Variants in BBS9 observed in about 807,000 individuals in gnomAD.
BBS9 encodes protein PTHB1.
A neutral mutation model predicts 117.7 loss-of-function variants in BBS9; 89 were observed. The observed-to-expected ratio is 0.76, with a 90% CI of 0.64 to 0.90. The LOEUF (loss-of-function observed/expected upper bound fraction) is 0.90. Among genes scored for constraint, BBS9 ranks in the 40% least tolerant of loss-of-function variants. BBS9 has a pLI of 0.00. For missense variants in BBS9, 982 were observed against 1,042.2 expected, an observed-to-expected ratio of 0.94 and a Z score of 0.80; for synonymous variants, 379 against 370.9, an observed-to-expected ratio of 1.02 and a Z score of -0.25.
chr7:33,179,190 T>C (rs1644340020), intron 5 of BBS9, among the ~76,000 whole-genome samples: 1 of 152,142 alleles, frequency 6.6e-6, no homozygotes, highest in South Asian at 2.1e-4. Flanking sequence ...CCATACATCA[T>C]AAAAAAATTA....
chr7:33,305,871 T>A (rs1807819053), intron 9 of BBS9, among the ~76,000 whole-genome samples: 1 of 152,108 alleles, frequency 6.6e-6, no homozygotes, highest in Non-Finnish European at 1.5e-5. Flanking sequence ...TTGGCTAATC[T>A]TTTGTATTGT....
intron 6 of BBS9, among the ~76,000 whole-genome samples, chr7:33,261,319 A>G (rs1797949955): frequency 6.6e-6 from 1 of 152,214 alleles, no homozygotes; most frequent in African/African-American, 2.4e-5. Flanking sequence ...CCTCGATGGC[A>G]GGAATTCTGT....
chr7:33,521,661 T>G (rs1848615901), intron 20 of BBS9, among the ~76,000 whole-genome samples: 1 of 152,172 alleles, frequency 6.6e-6, no homozygotes, highest in African/African-American at 2.4e-5. Context: ...ATTTTAAACT[T>G]AAGATGGCAT....
intron 19 of BBS9, among the ~76,000 whole-genome samples, chr7:33,427,637 G>C (rs1488466914): frequency 1.3e-5 from 2 of 152,112 alleles, no homozygotes; most frequent in African/African-American, 2.4e-5. Context: ...TGTACATTTA[G>C]GGAAAGAAAG....
At chr7:33,559,354 GT>G (rs1290508993) in intron 21 of BBS9, among the ~76,000 whole-genome samples, 1 of 152,120 alleles carries the variant, frequency 6.6e-6, no homozygotes, top group African/African-American at 2.4e-5. Flanking sequence ...GGGGGTACAA[GT>G]GATACAAGCT....
chr7:33,299,172 A>G (rs543077740), intron 9 of BBS9, among the ~76,000 whole-genome samples: 1 of 152,264 alleles, frequency 6.6e-6, no homozygotes, highest in East Asian at 1.9e-4. Flanking sequence ...TTTTATTCAC[A>G]ATTGCATGCA....
chr7:33,520,052 A>G (rs920257730), intron 20 of BBS9, among the ~76,000 whole-genome samples: 3 of 147,204 alleles, frequency 2.0e-5, no homozygotes, highest in African/African-American at 7.6e-5. Flanking sequence ...TCTGTTGCCC[A>G]GGCTAGAGTG....
chr7:33,599,206 T>G (rs900761174), intron 21 of BBS9, among the ~76,000 whole-genome samples: 1 of 152,114 alleles, frequency 6.6e-6, no homozygotes, highest in Non-Finnish European at 1.5e-5. Context: ...GCAGGAGAGA[T>G]ATTAGGCAGG....
At chr7:33,550,374 GTCA>G (rs1335908010) in intron 21 of BBS9, among the ~76,000 whole-genome samples, 2 of 152,112 alleles carry the variant, frequency 1.3e-5, no homozygotes, top group African/African-American at 4.8e-5. Context: ...ATGTGAGACA[GTCA>G]TTAAGACTTA....
chr7:33,387,929 T>C, intron 18 of BBS9, 63 bp from the exon 19 acceptor site: 2 of 1,543,032 alleles, frequency 1.3e-6, no homozygotes, highest in South Asian at 2.2e-5. Flanking sequence ...ATTGTGTGTA[T>C]TTTTTCTTTA....
chr7:33,503,894 G>A (rs1237768121), intron 19 of BBS9, among the ~76,000 whole-genome samples: 1 of 152,090 alleles, frequency 6.6e-6, no homozygotes. Context: ...AATGGGGAAG[G>A]GATGAGTTCC....
chr7:33,437,390 G>A (rs1269484188), intron 19 of BBS9, among the ~76,000 whole-genome samples: 1 of 152,098 alleles, frequency 6.6e-6, no homozygotes, highest in Non-Finnish European at 1.5e-5. Context: ...GTTAACTCCA[G>A]GGTATTTTTA....
chr7:33,266,642 T>G (rs181093380), intron 7 of BBS9, among the ~76,000 whole-genome samples: 320 of 152,318 alleles, frequency 2.1e-3, no homozygotes, highest in Admixed American at 5.2e-3. Context: ...GTTTTTTTAC[T>G]AGTTATTATT....
intron 19 of BBS9, among the ~76,000 whole-genome samples, chr7:33,429,722 G>A (rs949160702): frequency 9.2e-5 from 14 of 151,972 alleles, no homozygotes; most frequent in Non-Finnish European, 1.5e-4. Flanking sequence ...AAGGTAGATG[G>A]TTGACTAATG....
At chr7:33,177,886 T>A in intron 5 of BBS9, 1 of 317,102 alleles carries the variant, frequency 3.2e-6, no homozygotes, top group South Asian at 3.8e-5. Flanking sequence ...AGTCTTTGAT[T>A]TTTATATAAC....
intron 6 of BBS9, among the ~76,000 whole-genome samples, chr7:33,260,250 C>T (rs1366695958): frequency 3.9e-5 from 6 of 152,128 alleles, no homozygotes; most frequent in Non-Finnish European, 5.9e-5. Context: ...AGTCTGCCCG[C>T]CTCAGCCTCC....
intron 10 of BBS9, among the ~76,000 whole-genome samples, chr7:33,337,913 A>G (rs1815713236): frequency 6.6e-6 from 1 of 152,072 alleles, no homozygotes; most frequent in Non-Finnish European, 1.5e-5. Flanking sequence ...CCCTTTCCAT[A>G]GTAATGTTCC....
chr7:33,575,457 A>G (rs1858638958), intron 21 of BBS9, among the ~76,000 whole-genome samples: 1 of 152,192 alleles, frequency 6.6e-6, no homozygotes, highest in Admixed American at 6.5e-5. Context: ...AGATGGATTC[A>G]CGGCCAATTT....
At chr7:33,512,378 C>A (rs1847092922) in intron 20 of BBS9, among the ~76,000 whole-genome samples, 2 of 152,092 alleles carry the variant, frequency 1.3e-5, no homozygotes, top group African/African-American at 4.8e-5. Flanking sequence ...CTTTAATGGA[C>A]ACATTTGGTA....
Sources: gnomAD v4.1 joint callset for allele counts (sites outside exome capture counted in the v4.1 genomes callset) on GRCh38, gnomAD v4.1.1 for gene constraint, MANE v1.5 for transcripts, NCBI Gene and HGNC (gene_info 2026-07-23, HGNC 2026-07-21) for gene names.